Variants in CLIP1 observed in about 807,000 individuals in gnomAD.
CLIP1 encodes the protein CAP-Gly domain containing linker protein 1.
CLIP1 carries 66 observed loss-of-function variants against 161.6 expected under a neutral mutation model. That is an observed-to-expected ratio of 0.41 (90% CI 0.33 to 0.50). The LOEUF (loss-of-function observed/expected upper bound fraction) is 0.50, where lower values mean the gene tolerates loss of function less well. CLIP1 is among the 20% of genes least tolerant of loss of function. CLIP1 has a pLI of 0.27. For synonymous variants in CLIP1, 598 were observed against 626.2 expected (o/e 0.96, Z 0.67); for missense variants, 1,376 against 1,702.0 (o/e 0.81, Z 3.37).
intron 1 of CLIP1, among the ~76,000 whole-genome samples, chr12:122,404,821 A>C (rs1453121247): frequency 1.6e-5 from 2 of 125,890 alleles, no homozygotes; most frequent in Non-Finnish European, 3.3e-5. Flanking sequence ...AATGGTGTGA[A>C]CCCGGGAGGC....
chr12:122,358,746 A>T (rs1292228854), intron 5 of CLIP1, among the ~76,000 whole-genome samples: 6 of 39,682 alleles, frequency 1.5e-4, no homozygotes, highest in Non-Finnish European at 6.5e-4. Context: ...GTTGACTTTA[A>T]AAAAAAAAAA....
At chr12:122,400,092 T>C (rs12820494) in intron 1 of CLIP1, 2 of 152,180 alleles carry the variant, frequency 1.3e-5, no homozygotes, top group African/African-American at 2.4e-5. Flanking sequence ...AGATGCAGTG[T>C]AACCTGAGCT....
intron 20 of CLIP1, among the ~76,000 whole-genome samples, chr12:122,294,358 C>T (rs1227278528): frequency 2.7e-5 from 4 of 149,332 alleles, no homozygotes; most frequent in African/African-American, 9.9e-5. Flanking sequence ...AAAAAAAACC[C>T]CAAACTGGAA....
intron 15 of CLIP1, among the ~76,000 whole-genome samples, chr12:122,330,597 G>GTTTTTTTTTTTTTGTTTTTT (rs1555265518): frequency 5.9e-5 from 6 of 101,382 alleles, no homozygotes; most frequent in African/African-American, 2.6e-4. Flanking sequence ...GTATAATGCA[G>GTTTTTTTTTTTTTGTTTTTT]TTTTTTTTTT....
At chr12:122,389,091 A>G (rs1955465307) in intron 1 of CLIP1, among the ~76,000 whole-genome samples, 1 of 152,156 alleles carries the variant, frequency 6.6e-6, no homozygotes, top group Non-Finnish European at 1.5e-5. Flanking sequence ...AACTTGGCTC[A>G]AGGGCAAACT....
At position 122,361,050 on chromosome 12, in the gene CLIP1, G is replaced by C; in HGVS notation, c.914C>G (p.Ala305Gly). 1.9e-6 allele frequency: 3 copies of C among 1,614,260 alleles called. No homozygotes were observed. Among genetic ancestry groups the C allele is most frequent in the Non-Finnish European group, 2.5e-6 (3 of 1,180,052 alleles). Residue 305 changes from alanine (A) to glycine (G), a missense_variant, in exon 5 of 26, where the codon GCC becomes GGC. Physicochemically the swap from Ala to Gly is moderately conservative, Grantham distance 60 (BLOSUM62 0). Transcript: ENST00000620786. ...GGCAGAAGGGCTGCGCTTCAGGCTG[G>C]CGGACGTGGTCGCCATCACTCGCCT... ...AVRRVMATTS[A>G]SLKRSPSASS...
At position 122,421,575 on chromosome 12, in the gene CLIP1, T is replaced by TA. The variant is rs1566258329; in HGVS notation, c.-107+945dup. Among the ~76,000 whole-genome samples, 6 of 152,218 alleles carry TA rather than the reference T, an allele frequency of 3.9e-5. No homozygotes were observed. In the East Asian group the frequency reaches 1.2e-3, roughly 29 times the overall value. On this transcript the variant is annotated intron_variant, in intron 1 of 25. Transcript: ENST00000620786. ...ACAGAATCTTCTCCACCCTTTGTTT[T>TA]AAAAAACAGTTCACTGGCGCCCAAG...
At chr12:122,285,624 C>G (rs1955818886) in intron 21 of CLIP1, among the ~76,000 whole-genome samples, 1 of 151,016 alleles carries the variant, frequency 6.6e-6, no homozygotes, top group Admixed American at 6.6e-5. Flanking sequence ...CAGGCGTGAG[C>G]CACCGCACCC....
In CLIP1 at chr12:122,387,574, A is replaced by T. The variant is rs1440748611; in HGVS notation, c.-106-7016T>A. 4.2e-3 allele frequency among the ~76,000 whole-genome samples: 15 copies of T among 3,542 alleles called. 4 individuals carry two copies. The highest frequency in any genetic ancestry group is 0.013 in the Admixed American group (2 of 150). 2.3% of individuals were successfully genotyped at this position (3,542 alleles called of 152,430 possible). ...TATATATATATATATATATATATAT[A>T]TATATATATATATATATTTTTTTTT... On this transcript the variant is annotated intron_variant, in intron 1 of 25. Transcript: ENST00000620786.
chr12:122,386,431 G>A (rs1481306178), intron 1 of CLIP1, among the ~76,000 whole-genome samples: 1 of 152,220 alleles, frequency 6.6e-6, no homozygotes, highest in Non-Finnish European at 1.5e-5. Context: ...AGGTTCTCTT[G>A]AAAAGAGACA....
chr12:122,309,991 T>A, intron 19 of CLIP1, 109 bp from the exon 20 acceptor site: 1 of 1,197,810 alleles, frequency 8.3e-7, no homozygotes, highest in Non-Finnish European at 1.2e-6. Flanking sequence ...GTCACGTGCC[T>A]GATAGGATCT....
intron 12 of CLIP1, among the ~76,000 whole-genome samples, chr12:122,336,139 A>G (rs1185211618): frequency 1.3e-5 from 2 of 152,212 alleles, no homozygotes; most frequent in Non-Finnish European, 1.5e-5. Flanking sequence ...AAGGGAAGGT[A>G]ATTTTCTGAG....
intron 3 of CLIP1, among the ~76,000 whole-genome samples, chr12:122,376,416 T>A (rs1168822606): frequency 1.3e-5 from 2 of 152,128 alleles, no homozygotes; most frequent in Non-Finnish European, 2.9e-5. Flanking sequence ...GCCTGTCATG[T>A]GGAGACTGGA....
intron 20 of CLIP1, among the ~76,000 whole-genome samples, chr12:122,294,647 T>G (rs1461638357): frequency 6.6e-6 from 1 of 151,946 alleles, no homozygotes; most frequent in African/African-American, 2.4e-5. Context: ...CCTGTAGTCC[T>G]AGCTACTCAG....
intron 1 of CLIP1, among the ~76,000 whole-genome samples, chr12:122,394,756 C>T (rs917483413): frequency 1.3e-5 from 2 of 151,290 alleles, no homozygotes; most frequent in East Asian, 1.9e-4. Context: ...TGTGGTGGTG[C>T]GCGCCTGTAA....
rs1387074907 is a variant in CLIP1 at position 122,355,838 on chromosome 12, C to T, written c.1006-526G>A. ...CCATGTTCGCCAGGCTGTTCTCGAA[C>T]TCTAAAGTGCTAAGGTTACAGGTGT... On this transcript the variant is annotated intron_variant, in intron 5 of 25. Coordinates refer to ENST00000620786, the MANE Select transcript of CLIP1 (RefSeq NM_001247997.2). The surrounding 1 kb of genome is among the most constrained non-coding windows in gnomAD (Gnocchi z 4.1). The T allele has an allele frequency of 1.3e-5, 2 of 154,130 alleles. No homozygotes were observed. The highest frequency in any genetic ancestry group is 4.8e-5 in the African/African-American group (2 of 41,468). 9.5% of individuals were successfully genotyped at this position (154,130 alleles called of 1,614,324 possible).
intron 5 of CLIP1, among the ~76,000 whole-genome samples, chr12:122,357,718 C>A (rs1410085530): frequency 6.7e-6 from 1 of 148,820 alleles, no homozygotes; most frequent in Non-Finnish European, 1.5e-5. Context: ...AGCCAGCCGC[C>A]CCGTCCGGGA....
At chr12:122,291,465 C>T (rs2136318638) in intron 20 of CLIP1, among the ~76,000 whole-genome samples, 1 of 152,344 alleles carries the variant, frequency 6.6e-6, no homozygotes, top group Non-Finnish European at 1.5e-5. Context: ...GCTGGGATTA[C>T]AGGTGTGAGC....
chr12:122,282,574 G>A (rs1357349384), intron 21 of CLIP1, among the ~76,000 whole-genome samples: 1 of 152,094 alleles, frequency 6.6e-6, no homozygotes, highest in Non-Finnish European at 1.5e-5. Context: ...TTAGAACCAT[G>A]AAGAGAAACG....
Sources: allele counts gnomAD v4.1 joint callset (sites outside exome capture counted in the v4.1 genomes callset), GRCh38; gene constraint gnomAD v4.1.1; non-coding constraint Gnocchi (gnomAD v3.1); transcripts MANE v1.5; gene names NCBI Gene and HGNC (gene_info 2026-07-23, HGNC 2026-07-21).